CMIP: variants seen among roughly 807,000 people sequenced by gnomAD.
CMIP encodes c-Maf inducing protein, also known as C-Maf-inducing protein.
Under a neutral mutation model 97.3 loss-of-function variants are expected in CMIP, and 13 were observed. The observed-to-expected ratio is 0.13, with a 90% confidence interval of 0.09 to 0.21. The LOEUF (loss-of-function observed/expected upper bound fraction) is 0.21. Among genes scored for constraint, CMIP ranks in the 10% least tolerant of loss-of-function variants. The pLI is 1.00. For missense variants in CMIP, 847 were observed against 1,024.9 expected (o/e 0.83, Z 2.37); for synonymous variants, 538 against 436.3 (o/e 1.23, Z -2.91).
intron 1 of CMIP, among the ~76,000 whole-genome samples, chr16:81,589,483 G>GTT (rs74264889): frequency 0.082 from 11,587 of 141,286 alleles, 1,034 homozygotes; most frequent in African/African-American, 0.22. Context: ...GCAGACTTGT[G>GTT]TTTTTTTTTT....
intron 2 of CMIP, chr16:81,619,653 A>G (rs569634269): frequency 3.9e-5 from 6 of 152,218 alleles, no homozygotes; most frequent in Non-Finnish European, 8.8e-5. Context: ...AGGGGTAGCC[A>G]ATGGGGAACT....
intron 2 of CMIP, chr16:81,618,494 T>G (rs1292372595): frequency 6.6e-6 from 1 of 152,266 alleles, no homozygotes. Context: ...TTTAGGGGGC[T>G]TTATTTTCCT....
chr16:81,657,626 T>G (rs1260131048), intron 4 of CMIP, 149 bp from the exon 5 acceptor site: 1 of 646,630 alleles, frequency 1.5e-6, no homozygotes, highest in Non-Finnish European at 2.6e-6. Flanking sequence ...GAGGGTGTTC[T>G]GATCTGTTTA....
intron 10 of CMIP, among the ~76,000 whole-genome samples, chr16:81,689,593 A>G (rs1905821621): frequency 6.6e-6 from 1 of 152,146 alleles, no homozygotes; most frequent in Admixed American, 6.5e-5. Flanking sequence ...ATTTTCTCCC[A>G]TTCTGTAGGT....
At chr16:81,475,022 C>G (rs1351376268) in intron 1 of CMIP, among the ~76,000 whole-genome samples, 2 of 152,216 alleles carry the variant, frequency 1.3e-5, no homozygotes, top group Non-Finnish European at 2.9e-5. Flanking sequence ...AAGTGGCCCT[C>G]TTCACCGTGG....
chr16:81,445,676 C>A, intron 1 of CMIP, 135 bp downstream of exon 1: 1 of 1,016,812 alleles, frequency 9.8e-7, no homozygotes, highest in Non-Finnish European at 1.4e-6. Context: ...ACGGGGAGAA[C>A]CAGGGCGCCT....
chr16:81,665,772 C>T (rs1290581719), intron 7 of CMIP: 2 of 152,262 alleles, frequency 1.3e-5, no homozygotes, highest in Non-Finnish European at 2.9e-5. Context: ...ACATGTGCTC[C>T]TCTACCCCTT....
At chr16:81,706,889 C>T in intron 19 of CMIP, 125 bp from the exon 20 acceptor site, 1 of 762,218 alleles carries the variant, frequency 1.3e-6, no homozygotes. Flanking sequence ...CGAAACCTCC[C>T]TCCCCAGCCC....
At chr16:81,646,276 ATGGGTGGG>A (rs2092363893) in intron 3 of CMIP, among the ~76,000 whole-genome samples, 1 of 147,682 alleles carries the variant, frequency 6.8e-6, no homozygotes, top group African/African-American at 2.6e-5. Flanking sequence ...GGATGGATGG[ATGGGTGGG>A]TGGTTGGGCA....
intron 2 of CMIP, among the ~76,000 whole-genome samples, chr16:81,609,789 A>C (rs997959638): frequency 1.3e-5 from 2 of 152,104 alleles, no homozygotes; most frequent in Non-Finnish European, 2.9e-5. Context: ...GGACCTGGGT[A>C]CTTGCTGCAG....
chr16:81,591,548 C>T (rs897870003), intron 1 of CMIP, among the ~76,000 whole-genome samples: 1 of 152,152 alleles, frequency 6.6e-6, no homozygotes, highest in South Asian at 2.1e-4. Flanking sequence ...TCTCAGACAT[C>T]ATACTGGCCA....
At chr16:81,529,118 A>C (rs1438151798) in intron 1 of CMIP, among the ~76,000 whole-genome samples, 1 of 152,202 alleles carries the variant, frequency 6.6e-6, no homozygotes, top group East Asian at 1.9e-4. Context: ...ACAAATGATT[A>C]AATAGTTATT....
chr16:81,610,930 C>G (rs1295353386), intron 2 of CMIP, among the ~76,000 whole-genome samples: 3 of 152,054 alleles, frequency 2.0e-5, no homozygotes, highest in Non-Finnish European at 2.9e-5. Context: ...CCCTTTGGCC[C>G]TGGGGACAGA....
intron 3 of CMIP, chr16:81,631,597 A>G (rs933164787): frequency 6.6e-6 from 1 of 152,088 alleles, no homozygotes; most frequent in African/African-American, 2.4e-5. Flanking sequence ...GGACTCAGAC[A>G]CCCTGAACTC....
chr16:81,445,593 C>A (rs1905780039), intron 1 of CMIP, 52 bp downstream of exon 1: 3 of 1,508,610 alleles, frequency 2.0e-6, no homozygotes, highest in Admixed American at 4.0e-5. Flanking sequence ...GCCCGAGATG[C>A]GCCCTCCCTG....
At chr16:81,477,299 C>A (rs28572501) in intron 1 of CMIP, among the ~76,000 whole-genome samples, 2,124 of 152,202 alleles carry the variant, frequency 0.014, 49 homozygotes, top group African/African-American at 0.048. Context: ...GGATTACAAG[C>A]TTACACCACC....
chr16:81,680,408 A>T (rs1024781390), intron 10 of CMIP, among the ~76,000 whole-genome samples: 1 of 152,324 alleles, frequency 6.6e-6, no homozygotes, highest in African/African-American at 2.4e-5. Context: ...GGTGTCTGTG[A>T]AGGTGAACAT....
rs1253618496 is a variant in CMIP, at chr16:81,567,008, C to CT, written c.301-40558dup. ...CCAAGAAGGGACATGAGAGAGCCTT[C>CT]TAGGGTGCTGGGTGGTGGTCACATG... On this transcript the variant is annotated intron_variant, in intron 1 of 20. Coordinates refer to ENST00000537098, the MANE Select transcript of CMIP (RefSeq NM_198390.3). 3.9e-5 allele frequency among the ~76,000 whole-genome samples: 6 copies of CT among 152,198 alleles called. No individual in the cohort carries two copies. In the East Asian group the frequency reaches 1.2e-3, roughly 29 times the overall value.
intron 1 of CMIP, among the ~76,000 whole-genome samples, chr16:81,509,626 C>T (rs143920102): frequency 1.9e-3 from 291 of 152,288 alleles, no homozygotes; most frequent in Non-Finnish European, 2.4e-3. Flanking sequence ...CTGAGCAGGT[C>T]GAGCCAGGGC....
Sources: allele counts gnomAD v4.1 joint callset (sites outside exome capture counted in the v4.1 genomes callset), GRCh38; gene constraint gnomAD v4.1.1; transcripts MANE v1.5; gene names NCBI Gene and HGNC (gene_info 2026-07-23, HGNC 2026-07-21).